Variants in IFFO2 observed in about 807,000 individuals in gnomAD.
IFFO2 encodes the protein intermediate filament family orphan 2.
In IFFO2, 19 loss-of-function variants were observed where a neutral mutation model predicts 53.5. The observed-to-expected ratio is 0.36, with a 90% CI of 0.25 to 0.52. The LOEUF (loss-of-function observed/expected upper bound fraction) is 0.52. Among genes scored for constraint, IFFO2 ranks in the 20% least tolerant of loss-of-function variants. The pLI is 0.94. For synonymous variants in IFFO2, 303 were observed against 313.6 expected (o/e 0.97, Z 0.36); for missense variants, 570 against 727.4 (o/e 0.78, Z 2.49).
chr1:18,906,967 G>A lies in IFFO2; in HGVS notation c.*1594C>T, dbSNP rs1332678918. On this transcript the variant is annotated 3_prime_UTR_variant, in exon 9 of 9. Transcript: ENST00000455833. ...TATTTTTAAGACTGTAACACAGGTGGGGGAAACAGAAAAGAGAGAAGAGCC... is the reference window on the plus strand; with the variant it reads ...TATTTTTAAGACTGTAACACAGGTGAGGGAAACAGAAAAGAGAGAAGAGCC... 6.6e-6 allele frequency: 1 copy of A among 152,134 alleles called. No homozygotes were observed. The highest frequency in any genetic ancestry group is 2.4e-5 in the African/African-American group (1 of 41,422). The allele number at this position is 152,134 out of a possible 1,614,324, so 9.4% of individuals were successfully genotyped here.
intron 1 of IFFO2, among the ~76,000 whole-genome samples, chr1:18,938,994 C>T (rs1163152084): frequency 1.3e-5 from 2 of 152,238 alleles, no homozygotes; most frequent in Admixed American, 6.5e-5. Context: ...TTGCCCCAGC[C>T]ACAGGAGCTA....
At chr1:18,951,271 G>A (rs566865500) in intron 1 of IFFO2, among the ~76,000 whole-genome samples, 38 of 152,228 alleles carry the variant, frequency 2.5e-4, no homozygotes, top group Admixed American at 1.0e-3. Flanking sequence ...CTCCCAAGGC[G>A]CCCTGCTATG....
intron 1 of IFFO2, among the ~76,000 whole-genome samples, chr1:18,942,193 G>A (rs1257795305): frequency 6.6e-6 from 1 of 152,230 alleles, no homozygotes; most frequent in Non-Finnish European, 1.5e-5. Context: ...AGGCTGCCCT[G>A]TCTCCTTATC....
rs1433692377 is a variant in IFFO2, at chr1:18,916,916, T to C, written c.1090A>G (p.Met364Val). The C allele has an allele frequency of 1.2e-5, 18 of 1,551,804 alleles. No individual in the cohort carries two copies. The highest frequency in any genetic ancestry group is 1.7e-4 in the Middle Eastern group (1 of 5,992). The part of the protein sequence containing the change: ...SMNITDEMKR[M>V]FNQLRETFDF... ...GGGGATACTCACAGCTGGTTAAACATGCGCTTCATCTCATCGGTGATGTTC... is the reference window on the plus strand; with the variant it reads ...GGGGATACTCACAGCTGGTTAAACACGCGCTTCATCTCATCGGTGATGTTC... Residue 364 changes from methionine to valine, a missense_variant, in exon 5 of 9, where the codon ATG becomes GTG. Transcript: ENST00000455833. The surrounding 1 kb of genome is among the most constrained non-coding windows in gnomAD (Gnocchi z 4.3).
In IFFO2 at chr1:18,947,997, C is replaced by A. The variant is rs947538896; in HGVS notation, c.665+7671G>T. Among the ~76,000 whole-genome samples the A allele has an allele frequency of 2.0e-5, 3 of 152,154 alleles. No individual in the cohort carries two copies. Among genetic ancestry groups the A allele is most frequent in the Non-Finnish European group, 4.4e-5 (3 of 68,044 alleles). ...TGGGGTCCAGAGACCCAGACGGACTCGTGGCGAGATCTGGGACAGAAGTCT... is the reference window on the plus strand; with the variant it reads ...TGGGGTCCAGAGACCCAGACGGACTAGTGGCGAGATCTGGGACAGAAGTCT... On this transcript the variant is annotated intron_variant, in intron 1 of 8. Transcript: ENST00000455833. The surrounding 1 kb of genome is among the most constrained non-coding windows in gnomAD (Gnocchi z 5.0).
chr1:18,951,227 T>C (rs1936655905), intron 1 of IFFO2, among the ~76,000 whole-genome samples: 2 of 152,134 alleles, frequency 1.3e-5, no homozygotes, highest in African/African-American at 4.8e-5. Flanking sequence ...ATGGGTCAAA[T>C]CTCAGGTACT....
At chr1:18,925,753 A>ATTGG (rs1175700093) in intron 1 of IFFO2, among the ~76,000 whole-genome samples, 1 of 151,156 alleles carries the variant, frequency 6.6e-6, no homozygotes, top group Admixed American at 6.6e-5. Flanking sequence ...TATCGAATGG[A>ATTGG]TTGGTTGGAT....
intron 1 of IFFO2, among the ~76,000 whole-genome samples, chr1:18,935,864 ATT>A (rs757253270): frequency 0.041 from 3,925 of 95,222 alleles, 25 homozygotes; most frequent in South Asian, 0.077. Context: ...TAATTTTTCT[ATT>A]TTTTTTTTTT....
At chr1:18,913,707 T>C (rs528413982) in intron 5 of IFFO2, among the ~76,000 whole-genome samples, 8 of 152,130 alleles carry the variant, frequency 5.3e-5, no homozygotes, top group South Asian at 4.2e-4. Context: ...GAGATGTCCA[T>C]GGGAAAGGCC....
rs1935934805 is a variant in IFFO2 at position 18,905,556 on chromosome 1, C to G, written c.*3005G>C. ...TTTAATTCTCCCTAGGTCATCTGAG[C>G]TCTACCCACAGAGTTAGTCCACGAT... On this transcript the variant is annotated 3_prime_UTR_variant, in exon 9 of 9. Coordinates refer to ENST00000455833, the MANE Select transcript of IFFO2 (RefSeq NM_001136265.2). 1 of 152,202 alleles carries G rather than the reference C, an allele frequency of 6.6e-6. No homozygotes were observed. Among genetic ancestry groups the G allele is most frequent in the Admixed American group, 6.5e-5 (1 of 15,290 alleles). The allele number at this position is 152,202 out of a possible 1,614,324, so 9.4% of individuals were successfully genotyped here. A position where few individuals can be genotyped will look rare whatever the true frequency, so the allele number is the denominator to read the frequency against.
At chr1:18,955,444 A>C (rs1241925428) in intron 1 of IFFO2, among the ~76,000 whole-genome samples, 1 of 152,222 alleles carries the variant, frequency 6.6e-6, no homozygotes, top group East Asian at 1.9e-4. Flanking sequence ...GTGCCTCACC[A>C]GTGACAGCAT....
At chr1:18,946,217 C>T (rs1936585586) in intron 1 of IFFO2, among the ~76,000 whole-genome samples, 1 of 152,062 alleles carries the variant, frequency 6.6e-6, no homozygotes, top group Admixed American at 6.5e-5. Flanking sequence ...AAGTGCTCCA[C>T]GGGTATCATT....
intron 1 of IFFO2, among the ~76,000 whole-genome samples, chr1:18,952,948 C>A (rs1346503384): frequency 6.6e-6 from 1 of 152,248 alleles, no homozygotes; most frequent in Non-Finnish European, 1.5e-5. Flanking sequence ...TGGAACTCAA[C>A]AAGCGTCCGG....
In IFFO2 at chr1:18,919,534, A is replaced by G. The variant is rs984488012; in HGVS notation, c.822+144T>C. On this transcript the variant is annotated intron_variant, in intron 3 of 8. Coordinates refer to ENST00000455833, the MANE Select transcript of IFFO2 (RefSeq NM_001136265.2). This position sits in a 1 kb window ranked among gnomAD's most constrained non-coding sequence, Gnocchi z 4.9. ...GGGTGCCTGGTCTCCGATGCATCCA[A>G]TGCATCCGTCATCCTCATGGTCAAA... 2.7e-5 allele frequency: 18 copies of G among 654,886 alleles called. No homozygotes were observed. Among genetic ancestry groups the G allele is most frequent in the Admixed American group, 4.5e-5 (2 of 44,232 alleles). 40.6% of individuals were successfully genotyped at this position (654,886 alleles called of 1,614,324 possible). A position where few individuals can be genotyped will look rare whatever the true frequency, so the allele number is the denominator to read the frequency against.
chr1:18,921,354 G>A (rs113839521), intron 1 of IFFO2, among the ~76,000 whole-genome samples: 5 of 152,206 alleles, frequency 3.3e-5, no homozygotes, highest in Non-Finnish European at 7.3e-5. Context: ...CAAGTGCCAC[G>A]TTAAGGTATG....
rs114017752 is a variant in IFFO2 at position 18,946,341 on chromosome 1, G to T, written c.665+9327C>A. On this transcript the variant is annotated intron_variant, in intron 1 of 8. Transcript: ENST00000455833. ...CTTGCAATGGGCACGGCCCTTTCTG[G>T]TACTACACAGGTTTAAGGTTGGAAC... is the stretch of plus-strand genomic sequence containing the variant. Among the ~76,000 whole-genome samples, 1,206 of 151,780 alleles carry T rather than the reference G, an allele frequency of 7.9e-3. 10 individuals are homozygous for T. The highest frequency in any genetic ancestry group is 0.025 in the South Asian group (122 of 4,802).
intron 1 of IFFO2, among the ~76,000 whole-genome samples, chr1:18,933,513 G>A (rs547623257): frequency 7.2e-4 from 110 of 152,238 alleles, no homozygotes; most frequent in African/African-American, 2.6e-3. Flanking sequence ...GTTGGCTCAC[G>A]CCTGTAATCC....
At chr1:18,941,859 C>A (rs992518526) in intron 1 of IFFO2, among the ~76,000 whole-genome samples, 1 of 152,168 alleles carries the variant, frequency 6.6e-6, no homozygotes, top group Non-Finnish European at 1.5e-5. Flanking sequence ...GGAAAGATTC[C>A]CCCATTCATG....
chr1:18,937,003 G>A (rs1361129316), intron 1 of IFFO2, among the ~76,000 whole-genome samples: 2 of 152,106 alleles, frequency 1.3e-5, no homozygotes, highest in African/African-American at 2.4e-5. Flanking sequence ...ACATCAGACG[G>A]GGAAGTCCAG....
Sources: allele counts gnomAD v4.1 joint callset (sites outside exome capture counted in the v4.1 genomes callset), GRCh38; gene constraint gnomAD v4.1.1; non-coding constraint Gnocchi (gnomAD v3.1); transcripts MANE v1.5; gene names NCBI Gene and HGNC (gene_info 2026-07-23, HGNC 2026-07-21).